The following LYN variants were observed in gnomAD, a reference collection of about 807,000 sequenced individuals.
LYN encodes tyrosine-protein kinase Lyn.
In LYN, 12 loss-of-function variants were observed where a neutral mutation model predicts 65.0. That is an observed-to-expected ratio of 0.18 (90% CI 0.12 to 0.30). LYN has a LOEUF of 0.30. Ranked by LOEUF, LYN falls within the 10% of genes least tolerant of loss-of-function variation. LYN has a pLI of 1.00. For synonymous variants in LYN, 222 were observed against 221.2 expected, an observed-to-expected ratio of 1.00 and a Z score of -0.03; for missense variants, 380 against 623.2, an observed-to-expected ratio of 0.61 and a Z score of 4.16.
intron 10 of LYN, among the ~76,000 whole-genome samples, chr8:55,988,329 T>TGTG (rs1563325566): frequency 6.6e-6 from 1 of 151,662 alleles, no homozygotes; most frequent in Non-Finnish European, 1.5e-5. Context: ...TGTGTGTGTG[T>TGTG]TTACATCCTA....
intron 12 of LYN, among the ~76,000 whole-genome samples, chr8:56,005,725 T>A (rs145861052): frequency 2.7e-3 from 410 of 152,348 alleles, no homozygotes; most frequent in Non-Finnish European, 4.3e-3. Flanking sequence ...AGGCAAAAGA[T>A]CTTTACTTCA....
At chr8:55,961,300 G>A (rs904201439) in intron 8 of LYN, among the ~76,000 whole-genome samples, 7 of 151,930 alleles carry the variant, frequency 4.6e-5, no homozygotes, top group Non-Finnish European at 1.0e-4. Flanking sequence ...AGCTCAAAAA[G>A]TTTTTTTTAA....
intron 1 of LYN, among the ~76,000 whole-genome samples, chr8:55,884,931 G>A (rs754350555): frequency 1.5e-4 from 23 of 152,146 alleles, no homozygotes; most frequent in Non-Finnish European, 3.1e-4. Flanking sequence ...TTGCCACAGA[G>A]CTATTTCTTA....
chr8:55,935,313 G>A (rs181920005), intron 1 of LYN, among the ~76,000 whole-genome samples: 81 of 152,280 alleles, frequency 5.3e-4, no homozygotes, highest in Non-Finnish European at 1.0e-3. Context: ...TGGCCAGCCC[G>A]GGTTACCAGC....
intron 10 of LYN, among the ~76,000 whole-genome samples, chr8:55,994,487 A>T (rs1005189074): frequency 2.0e-5 from 3 of 152,112 alleles, no homozygotes; most frequent in Admixed American, 6.5e-5. Flanking sequence ...CAAATGCGGG[A>T]TGTGGGTAGG....
rs199919046 is a variant in LYN at position 56,013,263 on chromosome 8, GCT to G, written c.*3160_*3161del. 3 of 138,226 alleles carry G rather than the reference GCT, an allele frequency of 2.2e-5. No homozygotes were observed. Among genetic ancestry groups the G allele is most frequent in the East Asian group, 1.9e-4 (1 of 5,148 alleles). The allele number at this position is 138,226 out of a possible 1,614,324, so 8.6% of individuals were successfully genotyped here. On this transcript the variant is annotated 3_prime_UTR_variant, in exon 13 of 13. Transcript: ENST00000519728. ...GTCAGCTTGTGGAGTCTGCTTTCTC[GCT>G]CTCTCTTTTTTTTTTTTTTTTGACA...
intron 10 of LYN, among the ~76,000 whole-genome samples, chr8:55,983,188 C>T (rs1490282620): frequency 6.6e-6 from 1 of 152,104 alleles, no homozygotes; most frequent in Non-Finnish European, 1.5e-5. Flanking sequence ...TGCTCCCTCT[C>T]ACTGCCTGCT....
intron 8 of LYN, among the ~76,000 whole-genome samples, chr8:55,961,607 T>A (rs548365185): frequency 6.6e-6 from 1 of 152,154 alleles, no homozygotes; most frequent in South Asian, 2.1e-4. Flanking sequence ...TCCTGATGAC[T>A]TCCCCCCTAA....
chr8:55,881,602 G>C (rs1418190865), intron 1 of LYN, among the ~76,000 whole-genome samples: 2 of 152,158 alleles, frequency 1.3e-5, no homozygotes, highest in African/African-American at 4.8e-5. Flanking sequence ...TAAATGTGTG[G>C]CCCTTTTGCT....
At chr8:55,918,230 G>A (rs915638900) in intron 1 of LYN, among the ~76,000 whole-genome samples, 3 of 152,192 alleles carry the variant, frequency 2.0e-5, no homozygotes, top group Non-Finnish European at 4.4e-5. Flanking sequence ...GTGGGAGCAA[G>A]CCAGCCTCCC....
chr8:55,992,389 A>G (rs1808274142), intron 10 of LYN, among the ~76,000 whole-genome samples: 1 of 152,164 alleles, frequency 6.6e-6, no homozygotes, highest in Non-Finnish European at 1.5e-5. Context: ...CAGGAAAAAC[A>G]AGCTCAAGCC....
chr8:55,921,616 G>T (rs1376810502), intron 1 of LYN, among the ~76,000 whole-genome samples: 2 of 152,102 alleles, frequency 1.3e-5, no homozygotes, highest in African/African-American at 4.8e-5. Flanking sequence ...TGCATAAATG[G>T]GTAGGAGTGC....
At chr8:55,990,214 G>A (rs1379867481) in intron 10 of LYN, among the ~76,000 whole-genome samples, 2 of 147,030 alleles carry the variant, frequency 1.4e-5, no homozygotes, top group Non-Finnish European at 3.0e-5. Context: ...ACTCCAGCCT[G>A]GGTGATAGAG....
chr8:55,904,480 T>G (rs1805365143), intron 1 of LYN, among the ~76,000 whole-genome samples: 1 of 152,220 alleles, frequency 6.6e-6, no homozygotes, highest in Non-Finnish European at 1.5e-5. Flanking sequence ...CATATGGGGT[T>G]AGGTTGGCAG....
rs768819807 is a variant in LYN at position 55,954,004 on chromosome 8, A to T, written c.790+20A>T. On this transcript the variant is annotated intron_variant, in intron 8 of 12. Coordinates refer to ENST00000519728, the MANE Select transcript of LYN (RefSeq NM_002350.4). ...GGATGGGTAAGTGTGCGGCTCGGGG[A>T]TCTATGTCCTTCTAGAGATGGTGAC... 5 of 1,612,230 alleles carry T rather than the reference A, an allele frequency of 3.1e-6. No homozygotes were observed. The highest frequency in any genetic ancestry group is 3.3e-5 in the Admixed American group (2 of 59,890).
chr8:55,887,087 A>G (rs912406963), intron 1 of LYN, among the ~76,000 whole-genome samples: 1 of 152,276 alleles, frequency 6.6e-6, no homozygotes, highest in Non-Finnish European at 1.5e-5. Flanking sequence ...ATAATGGGAT[A>G]CTTTGTAAAT....
Position 55,997,941 on chromosome 8 carries a change from G to T in LYN, c.1051-405G>T, listed in dbSNP as rs187879848. Reference sequence around the variant, plus strand: ...CTACTAAAAATACAAAAAATTAGCCGGGCATGGTGGTGGGTGCCTGTAGTC... The same window carrying T: ...CTACTAAAAATACAAAAAATTAGCCTGGCATGGTGGTGGGTGCCTGTAGTC... On this transcript the variant is annotated intron_variant, in intron 10 of 12. Transcript: ENST00000519728. Among the ~76,000 whole-genome samples the T allele has an allele frequency of 5.0e-3, 759 of 152,086 alleles. 3 individuals carry two copies. Among genetic ancestry groups the T allele is most frequent in the South Asian group, 0.018 (86 of 4,816 alleles).
chr8:55,936,165 A>C (rs1027978970), intron 1 of LYN, among the ~76,000 whole-genome samples: 7 of 152,266 alleles, frequency 4.6e-5, no homozygotes, highest in Non-Finnish European at 8.8e-5. Context: ...TGATGCTTGA[A>C]CCAGTCTTGG....
chr8:55,928,769 G>T (rs1354154825), intron 1 of LYN, among the ~76,000 whole-genome samples: 1 of 150,482 alleles, frequency 6.6e-6, no homozygotes, highest in Non-Finnish European at 1.5e-5. Flanking sequence ...TTCTTTCATG[G>T]ATCATTTTTT....
Sources: gnomAD v4.1 joint callset for allele counts (sites outside exome capture counted in the v4.1 genomes callset) on GRCh38, gnomAD v4.1.1 for gene constraint, MANE v1.5 for transcripts, NCBI Gene and HGNC (gene_info 2026-07-23, HGNC 2026-07-21) for gene names.